The following LTBP1 variants were observed in gnomAD, a reference collection of about 807,000 sequenced individuals.
LTBP1 encodes the protein latent-transforming growth factor beta-binding protein 1.
A neutral mutation model predicts 207.6 loss-of-function variants in LTBP1; 129 were observed. That is an observed-to-expected ratio of 0.62 (90% confidence interval 0.54 to 0.72). The LOEUF (loss-of-function observed/expected upper bound fraction) is 0.72, where lower values mean the gene tolerates loss of function less well. Among genes scored for constraint, LTBP1 ranks in the 30% least tolerant of loss-of-function variants. LTBP1 has a pLI of 0.00. For synonymous variants in LTBP1, 963 were observed against 833.7 expected (o/e 1.16, Z -2.67); for missense variants, 2,281 against 2,217.2 (o/e 1.03, Z -0.58).
At chr2:33,375,251 T>C (rs2095122664) in intron 31 of LTBP1, among the ~76,000 whole-genome samples, 1 of 152,182 alleles carries the variant, frequency 6.6e-6, no homozygotes, top group African/African-American at 2.4e-5. Context: ...CGAAAGGCGT[T>C]AGCAATTATT....
intron 3 of LTBP1, among the ~76,000 whole-genome samples, chr2:33,044,829 A>G (rs1032352117): frequency 5.9e-5 from 9 of 152,152 alleles, no homozygotes; most frequent in African/African-American, 2.2e-4. Flanking sequence ...ATGGTATCTC[A>G]TTGTGGTTTT....
chr2:33,378,605 C>CT (rs1312335366), intron 31 of LTBP1, among the ~76,000 whole-genome samples: 3 of 152,142 alleles, frequency 2.0e-5, no homozygotes, highest in Admixed American at 6.5e-5. Flanking sequence ...GAAGCATACT[C>CT]TAAGAAGCAT....
At chr2:33,288,061 T>C (rs1288140311) in intron 19 of LTBP1, among the ~76,000 whole-genome samples, 1 of 152,194 alleles carries the variant, frequency 6.6e-6, no homozygotes, top group Non-Finnish European at 1.5e-5. Context: ...AATAAGATGC[T>C]TTATCCCTAT....
chr2:32,957,084 A>C (rs1210404488), intron 2 of LTBP1, among the ~76,000 whole-genome samples: 1 of 152,204 alleles, frequency 6.6e-6, no homozygotes, highest in Non-Finnish European at 1.5e-5. Flanking sequence ...GGCGAAGCAG[A>C]TTTAGCATAA....
intron 3 of LTBP1, among the ~76,000 whole-genome samples, chr2:33,046,098 C>A (rs980517939): frequency 1.3e-5 from 2 of 152,008 alleles, no homozygotes; most frequent in African/African-American, 4.8e-5. Context: ...ATTTGAATAC[C>A]CTTTCTTTCT....
chr2:33,346,060 G>T (rs1002419711), intron 25 of LTBP1, among the ~76,000 whole-genome samples: 4 of 152,130 alleles, frequency 2.6e-5, no homozygotes, highest in African/African-American at 4.8e-5. Context: ...TTTTAATTAT[G>T]TATATTTAAG....
chr2:33,025,729 T>G (rs995783847), intron 3 of LTBP1, among the ~76,000 whole-genome samples: 3 of 152,208 alleles, frequency 2.0e-5, no homozygotes, highest in African/African-American at 7.2e-5. Flanking sequence ...TGATATGATA[T>G]ATGAGATTTT....
intron 1 of LTBP1, 44 bp from the exon 2 acceptor site, chr2:32,948,831 G>A: frequency 6.4e-7 from 1 of 1,560,938 alleles, no homozygotes; most frequent in Non-Finnish European, 8.8e-7. Flanking sequence ...TCTTGGGAAG[G>A]GGGTCTTTCT....
chr2:33,217,556 G>A lies in LTBP1; in HGVS notation c.1706G>A (p.Gly569Asp). The change falls in exon 8 of 34, where the codon GGC (glycine) becomes GAC (aspartate). Residue 569 changes from glycine to aspartate, a missense_variant. Physicochemically the swap from Gly to Asp is moderately conservative, Grantham distance 94 (BLOSUM62 -1). Transcript: ENST00000404816. Reference sequence around the variant, plus strand: ...TTTCACACCTAATCATTGCAGTGTGGCAAAGCGCTCCCTGGCCTTTCAAAG... The same window carrying A: ...TTTCACACCTAATCATTGCAGTGTGACAAAGCGCTCCCTGGCCTTTCAAAG... ...CFQETIGSQC[G>D]KALPGLSKQE... 6.2e-7 allele frequency: 1 copy of A among 1,612,860 alleles called. No individual in the cohort carries two copies. Among genetic ancestry groups the A allele is most frequent in the Admixed American group, 1.7e-5 (1 of 60,004 alleles).
intron 31 of LTBP1, among the ~76,000 whole-genome samples, chr2:33,382,090 T>C (rs2095221811): frequency 3.3e-5 from 3 of 90,514 alleles, no homozygotes; most frequent in African/African-American, 8.8e-5. Context: ...TTTTTTTTTT[T>C]TTTTTTTTTT....
chr2:33,384,449 T>C (rs1468084599), intron 31 of LTBP1, among the ~76,000 whole-genome samples: 1 of 152,158 alleles, frequency 6.6e-6, no homozygotes, highest in Non-Finnish European at 1.5e-5. Context: ...TCATTTCACA[T>C]TGGTATTTGG....
chr2:33,340,334 G>T (rs778304619), intron 24 of LTBP1, among the ~76,000 whole-genome samples: 101 of 152,132 alleles, frequency 6.6e-4, no homozygotes, highest in Non-Finnish European at 1.1e-3. Context: ...TTATCCCAAG[G>T]AGCATGGTCA....
intron 8 of LTBP1, among the ~76,000 whole-genome samples, chr2:33,221,368 A>G (rs1373594941): frequency 6.6e-6 from 1 of 152,216 alleles, no homozygotes; most frequent in Non-Finnish European, 1.5e-5. Context: ...CTTCTGCCAC[A>G]TCCCAGAACT....
intron 3 of LTBP1, among the ~76,000 whole-genome samples, chr2:33,094,794 T>A (rs17325390): frequency 0.07 from 10,686 of 152,262 alleles, 498 homozygotes; most frequent in South Asian, 0.19. Context: ...CACATGGTTA[T>A]AAACCCAATG....
intron 33 of LTBP1, 28 bp from the exon 34 acceptor site, chr2:33,398,336 T>C (rs1278134503): frequency 1.2e-6 from 2 of 1,603,292 alleles, no homozygotes; most frequent in Admixed American, 1.7e-5. Context: ...TCCAAGATTG[T>C]TTACCTGCAT....
intron 7 of LTBP1, among the ~76,000 whole-genome samples, chr2:33,201,842 A>G (rs2089320486): frequency 6.6e-6 from 1 of 152,234 alleles, no homozygotes; most frequent in Non-Finnish European, 1.5e-5. Context: ...ATTGGGTTAA[A>G]GTGACACAAG....
At chr2:32,998,593 A>G (rs1432124240) in intron 2 of LTBP1, among the ~76,000 whole-genome samples, 1 of 149,088 alleles carries the variant, frequency 6.7e-6, no homozygotes, top group Non-Finnish European at 1.5e-5. Flanking sequence ...ATATAACTGA[A>G]TGTTATGAAC....
At chr2:33,348,128 A>G (rs1000118979) in intron 26 of LTBP1, among the ~76,000 whole-genome samples, 1 of 152,194 alleles carries the variant, frequency 6.6e-6, no homozygotes, top group Non-Finnish European at 1.5e-5. Flanking sequence ...TGTGCCATGT[A>G]GCTATAGCTT....
intron 2 of LTBP1, among the ~76,000 whole-genome samples, chr2:32,993,928 T>C (rs1465547654): frequency 1.3e-5 from 2 of 151,732 alleles, no homozygotes; most frequent in African/African-American, 4.8e-5. Context: ...TCTGGGCTCA[T>C]TTACAAGTGG....
Sources: allele counts gnomAD v4.1 joint callset (sites outside exome capture counted in the v4.1 genomes callset), GRCh38; gene constraint gnomAD v4.1.1; transcripts MANE v1.5; gene names NCBI Gene and HGNC (gene_info 2026-07-23, HGNC 2026-07-21).